MRTFB: variants seen among roughly 807,000 people sequenced by gnomAD.
The protein encoded by MRTFB is myocardin-related transcription factor B.
MRTFB carries 29 observed loss-of-function variants against 104.2 expected under a neutral mutation model. That is an observed-to-expected ratio of 0.28 (90% CI 0.21 to 0.38). The LOEUF (loss-of-function observed/expected upper bound fraction) is 0.38. Ranked by LOEUF, MRTFB falls within the 10% of genes least tolerant of loss-of-function variation. The pLI is 1.00. For synonymous variants in MRTFB, 535 were observed against 519.5 expected (o/e 1.03, Z -0.41); for missense variants, 1,270 against 1,341.6 (o/e 0.95, Z 0.83).
At chr16:14,081,763 G>C (rs762918653) in intron 2 of MRTFB, among the ~76,000 whole-genome samples, 3 of 150,738 alleles carry the variant, frequency 2.0e-5, no homozygotes, top group Non-Finnish European at 3.0e-5. Flanking sequence ...TGTATTTTTT[G>C]TGTAGACAGT....
chr16:14,160,915 T>A (rs1363930869), intron 3 of MRTFB, among the ~76,000 whole-genome samples: 13 of 152,100 alleles, frequency 8.5e-5, no homozygotes, highest in Admixed American at 8.5e-4. Context: ...TTCAGAATCA[T>A]CTTATGCTTT....
chr16:14,010,994 G>A, the MRTFB span, among the ~76,000 whole-genome samples: 1 of 152,208 alleles, frequency 6.6e-6, no homozygotes, highest in Non-Finnish European at 1.5e-5. Flanking sequence ...TGAGGGGTCT[G>A]AGCCAGACAG....
intron 2 of MRTFB, among the ~76,000 whole-genome samples, chr16:14,117,702 C>G (rs1445720094): frequency 6.6e-6 from 1 of 152,014 alleles, no homozygotes; most frequent in Non-Finnish European, 1.5e-5. Context: ...GTGCTCAGTT[C>G]TGTACCAAAG....
chr16:14,022,787 T>C, the MRTFB span, among the ~76,000 whole-genome samples: 3 of 150,440 alleles, frequency 2.0e-5, no homozygotes, highest in African/African-American at 7.4e-5. Flanking sequence ...TCTCACTCTG[T>C]TGCCCAGACT....
chr16:14,195,623 G>A (rs2040399516), intron 3 of MRTFB: 1 of 942,190 alleles, frequency 1.1e-6, no homozygotes, highest in Admixed American at 6.2e-5. Context: ...ACTGTTTCCT[G>A]TTTCGTTAAT....
intron 9 of MRTFB, among the ~76,000 whole-genome samples, chr16:14,239,314 T>C (rs2042660888): frequency 6.6e-6 from 1 of 152,250 alleles, no homozygotes; most frequent in Admixed American, 6.5e-5. Flanking sequence ...AGCCTAACAT[T>C]AGAAATGAGA....
intron 2 of MRTFB, among the ~76,000 whole-genome samples, chr16:14,102,732 G>A (rs1440872768): frequency 6.6e-6 from 1 of 152,144 alleles, no homozygotes; most frequent in Non-Finnish European, 1.5e-5. Flanking sequence ...AACTTTCTGT[G>A]TCCAGCAAAC....
At chr16:14,130,284 A>G (rs2142415297) in intron 2 of MRTFB, among the ~76,000 whole-genome samples, 1 of 152,342 alleles carries the variant, frequency 6.6e-6, no homozygotes, top group South Asian at 2.1e-4. Flanking sequence ...AGTTTTGTCT[A>G]AAATAAACAC....
intron 2 of MRTFB, among the ~76,000 whole-genome samples, chr16:14,093,914 G>T (rs9935930): frequency 0.23 from 34,836 of 152,072 alleles, 7,592 homozygotes; most frequent in African/African-American, 0.56. Context: ...CTGGAAAAAA[G>T]AATTAAAAAT....
chr16:14,196,218 A>G (rs1471698104), intron 3 of MRTFB, among the ~76,000 whole-genome samples: 2 of 152,250 alleles, frequency 1.3e-5, no homozygotes, highest in Non-Finnish European at 2.9e-5. Flanking sequence ...CCAGAGAGTT[A>G]TCAAAGCTCC....
chr16:14,257,321 CA>C (rs940882836), intron 15 of MRTFB, among the ~76,000 whole-genome samples: 1 of 151,918 alleles, frequency 6.6e-6, no homozygotes, highest in Non-Finnish European at 1.5e-5. Flanking sequence ...TTGTAATAGC[CA>C]AAAATTGGAA....
intron 8 of MRTFB, among the ~76,000 whole-genome samples, chr16:14,233,853 C>G (rs967853515): frequency 4.1e-5 from 6 of 144,728 alleles, no homozygotes; most frequent in Admixed American, 2.1e-4. Context: ...TTGGACTTTT[C>G]TTTCCCTGCC....
At chr16:14,044,928 G>T in the MRTFB span, among the ~76,000 whole-genome samples, 1 of 152,110 alleles carries the variant, frequency 6.6e-6, no homozygotes, top group Non-Finnish European at 1.5e-5. Context: ...TAGGCTCCTG[G>T]ACAGCTGGTG....
intron 3 of MRTFB, among the ~76,000 whole-genome samples, chr16:14,164,579 A>G (rs1312824208): frequency 7.9e-5 from 12 of 152,286 alleles, no homozygotes; most frequent in Admixed American, 7.8e-4. Flanking sequence ...CAGTGCAGGT[A>G]TCCCTTTGAT....
the MRTFB span, among the ~76,000 whole-genome samples, chr16:14,036,825 C>T: frequency 1.2e-3 from 181 of 152,272 alleles, no homozygotes; most frequent in African/African-American, 3.9e-3. Context: ...ATTACTACCA[C>T]GACCTGGCCC....
intron 2 of MRTFB, among the ~76,000 whole-genome samples, chr16:14,121,796 AT>A (rs1368096398): frequency 6.6e-6 from 1 of 152,210 alleles, no homozygotes; most frequent in Non-Finnish European, 1.5e-5. Flanking sequence ...GAAATGTTCT[AT>A]TTTGTACCAT....
At position 14,139,299 on chromosome 16, in the gene MRTFB, G is replaced by A. The variant is rs76359164; in HGVS notation, c.-63-1245G>A. ...CTAAAGAAGATATAGGGATGGGATGGCAAATTAAAAGATGCACAGCATCAT... is the reference window on the plus strand; with the variant it reads ...CTAAAGAAGATATAGGGATGGGATGACAAATTAAAAGATGCACAGCATCAT... On this transcript the variant is annotated intron_variant, in intron 2 of 16. Transcript: ENST00000571589. Among the ~76,000 whole-genome samples the A allele has an allele frequency of 5.0e-3, 754 of 152,262 alleles. 5 individuals are homozygous for A. Among genetic ancestry groups the A allele is most frequent in the African/African-American group, 0.018 (727 of 41,528 alleles).
chr16:14,252,175 A>T, intron 14 of MRTFB, 152 bp downstream of exon 14: 1 of 1,231,366 alleles, frequency 8.1e-7, no homozygotes, highest in Non-Finnish European at 1.1e-6. Context: ...CTCAGCTATT[A>T]TCACAGTGAA....
chr16:14,210,188 A>T (rs2041132952), intron 3 of MRTFB, 55 bp from the exon 4 acceptor site: 2 of 1,384,528 alleles, frequency 1.4e-6, no homozygotes, highest in Non-Finnish European at 2.0e-6. Flanking sequence ...GAATCACATA[A>T]ATCGGATCCC....
Sources: allele counts gnomAD v4.1 joint callset (sites outside exome capture counted in the v4.1 genomes callset), GRCh38; gene constraint gnomAD v4.1.1; transcripts MANE v1.5; gene names NCBI Gene and HGNC (gene_info 2026-07-23, HGNC 2026-07-21).